NOX4: variants seen among roughly 807,000 people sequenced by gnomAD.
The protein encoded by NOX4 is kidney oxidase-1.
In NOX4, 69 loss-of-function variants were observed where a neutral mutation model predicts 87.6. The ratio of observed to expected loss-of-function variants is 0.79; its 90% CI spans 0.65 to 0.96. The LOEUF (loss-of-function observed/expected upper bound fraction) is 0.96. Ranked by LOEUF, NOX4 falls within the 40% of genes least tolerant of loss-of-function variation. NOX4 has a pLI of 0.00. For missense variants in NOX4, 680 were observed against 681.5 expected (o/e 1.00, Z 0.02); for synonymous variants, 275 against 238.2 (o/e 1.15, Z -1.42).
intron 2 of NOX4, among the ~76,000 whole-genome samples, chr11:89,487,564 A>G (rs577486932): frequency 2.0e-5 from 3 of 152,316 alleles, no homozygotes; most frequent in African/African-American, 7.2e-5. Flanking sequence ...TAAATGGTAC[A>G]ATGAAATACA....
At chr11:89,576,121 A>G in the NOX4 span, among the ~76,000 whole-genome samples, 1 of 152,224 alleles carries the variant, frequency 6.6e-6, no homozygotes, top group Non-Finnish European at 1.5e-5. Flanking sequence ...GCAGTTAGTA[A>G]TGTTTTCTCT....
intron 15 of NOX4, 98 bp from the exon 16 acceptor site, chr11:89,337,613 C>T (rs1945772038): frequency 1.3e-6 from 2 of 1,512,510 alleles, no homozygotes; most frequent in Non-Finnish European, 1.8e-6. Flanking sequence ...TTTAACACAA[C>T]CTAGCTTATC....
chr11:89,405,079 A>C (rs1016027033), intron 8 of NOX4, among the ~76,000 whole-genome samples: 1 of 46,778 alleles, frequency 2.1e-5, no homozygotes, highest in Admixed American at 2.5e-4. Flanking sequence ...CAAAAGTCAG[A>C]TTGTGTGTGT....
At chr11:89,406,092 T>C (rs1348737437) in intron 8 of NOX4, among the ~76,000 whole-genome samples, 1 of 152,156 alleles carries the variant, frequency 6.6e-6, no homozygotes, top group Non-Finnish European at 1.5e-5. Flanking sequence ...TAACTTACTT[T>C]TTCATTGTAT....
In NOX4 at chr11:89,325,072, C is replaced by T. The variant is rs1233665255; in HGVS notation, c.*1684G>A. 3.4e-5 allele frequency: 5 copies of T among 148,258 alleles called. No homozygotes were observed. The highest frequency in any genetic ancestry group is 2.0e-4 in the East Asian group (1 of 5,048). 9.2% of individuals were successfully genotyped at this position (148,258 alleles called of 1,614,324 possible). On this transcript the variant is annotated 3_prime_UTR_variant, in exon 18 of 18. Transcript: ENST00000263317. ...GTTATATTTGATAGCAATTGATAGC[C>T]GACTACTAAACAAAATCACTAAACT... is the stretch of plus-strand genomic sequence containing the variant.
chr11:89,483,501 G>A (rs1051392493), intron 2 of NOX4, among the ~76,000 whole-genome samples: 1 of 149,712 alleles, frequency 6.7e-6, no homozygotes, highest in African/African-American at 2.5e-5. Context: ...CCAGGCACAG[G>A]AAGACAAATA....
At chr11:89,398,095 G>C (rs1353781586) in intron 11 of NOX4, among the ~76,000 whole-genome samples, 1 of 150,732 alleles carries the variant, frequency 6.6e-6, no homozygotes, top group African/African-American at 2.4e-5. Context: ...GAATCCAACA[G>C]CACATCAAAA....
chr11:89,379,372 TAAAA>T (rs201827736), intron 11 of NOX4, among the ~76,000 whole-genome samples: 1 of 145,896 alleles, frequency 6.9e-6, no homozygotes, highest in African/African-American at 2.5e-5. Flanking sequence ...GGCTCATCAT[TAAAA>T]AAAAAAAAAT....
intron 8 of NOX4, among the ~76,000 whole-genome samples, chr11:89,407,862 A>G (rs1345973408): frequency 3.3e-5 from 5 of 152,096 alleles, no homozygotes; most frequent in African/African-American, 1.2e-4. Flanking sequence ...TGTTAAAAAT[A>G]TCCCACAAAT....
chr11:89,402,956 T>C (rs1941961936), intron 8 of NOX4, among the ~76,000 whole-genome samples: 1 of 152,200 alleles, frequency 6.6e-6, no homozygotes, highest in Admixed American at 6.6e-5. Context: ...ACAGGGAATA[T>C]ATTTAACTTG....
chr11:89,514,884 CTT>C, the NOX4 span, among the ~76,000 whole-genome samples: 1 of 151,872 alleles, frequency 6.6e-6, no homozygotes, highest in African/African-American at 2.4e-5. Flanking sequence ...TGTTTCTGTT[CTT>C]TAGGTCAGCA....
At chr11:89,343,763 G>T (rs184252286) in intron 13 of NOX4, among the ~76,000 whole-genome samples, 3,951 of 152,028 alleles carry the variant, frequency 0.026, 132 homozygotes, top group African/African-American at 0.074. Context: ...ACTCTTTAAA[G>T]TCTTGCTATA....
chr11:89,393,154 A>G (rs1941240264), intron 11 of NOX4, among the ~76,000 whole-genome samples: 1 of 152,142 alleles, frequency 6.6e-6, no homozygotes, highest in Admixed American at 6.6e-5. Flanking sequence ...ACACTTTTGG[A>G]AGTCACAGTG....
chr11:89,498,221 T>A (rs1207671604), upstream of NOX4: 1 of 152,188 alleles, frequency 6.6e-6, no homozygotes, highest in Non-Finnish European at 1.5e-5. Flanking sequence ...TGTTGTTTAA[T>A]GTATTTTAAT....
chr11:89,378,770 T>G (rs1157987918), intron 11 of NOX4, among the ~76,000 whole-genome samples: 2 of 152,100 alleles, frequency 1.3e-5, no homozygotes, highest in African/African-American at 4.8e-5. Flanking sequence ...AAATATTTAT[T>G]TAGTGTCCAA....
intron 8 of NOX4, among the ~76,000 whole-genome samples, chr11:89,411,798 G>A (rs76541574): frequency 0.024 from 3,715 of 152,042 alleles, 143 homozygotes; most frequent in African/African-American, 0.084. Flanking sequence ...TAAGAAAATG[G>A]TACAAGAAAG....
chr11:89,472,250 C>T (rs10830275), intron 2 of NOX4, among the ~76,000 whole-genome samples: 17,148 of 151,926 alleles, frequency 0.11, 1,191 homozygotes, highest in South Asian at 0.2. Flanking sequence ...CATAATAAAC[C>T]ATAATTCATT....
At chr11:89,511,220 C>T in the NOX4 span, among the ~76,000 whole-genome samples, 1 of 152,020 alleles carries the variant, frequency 6.6e-6, no homozygotes, top group Non-Finnish European at 1.5e-5. Context: ...ATTTTCATCA[C>T]CTCATGAACT....
chr11:89,490,659 C>A, intron 1 of NOX4, 106 bp from the exon 2 acceptor site: 1 of 805,968 alleles, frequency 1.2e-6, no homozygotes, highest in Non-Finnish European at 2.1e-6. Context: ...TTCAATGGAA[C>A]CTAAATCAGT....
Sources: allele counts gnomAD v4.1 joint callset (sites outside exome capture counted in the v4.1 genomes callset), GRCh38; gene constraint gnomAD v4.1.1; transcripts MANE v1.5; gene names NCBI Gene and HGNC (gene_info 2026-07-23, HGNC 2026-07-21).